FSIP2: variants seen among roughly 807,000 people sequenced by gnomAD.
FSIP2 encodes fibrous sheath interacting protein 2, also known as fibrous sheath-interacting protein 2.
FSIP2 carries 367 observed loss-of-function variants against 510.5 expected under a neutral mutation model. The ratio of observed to expected loss-of-function variants is 0.72; its 90% confidence interval spans 0.66 to 0.78. FSIP2 has a LOEUF of 0.78. Among genes scored for constraint, FSIP2 ranks in the 30% least tolerant of loss-of-function variants. The probability of loss-of-function intolerance (pLI) is 0.00; values close to 1 mark genes in which losing one functional copy is unlikely to be tolerated. For synonymous variants in FSIP2, 2,601 were observed against 2,732.2 expected, an observed-to-expected ratio of 0.95 and a Z score of 1.50; for missense variants, 7,594 against 7,901.7, an observed-to-expected ratio of 0.96 and a Z score of 1.48.
Position 185,797,215 on chromosome 2 carries a change from T to C in FSIP2, c.10079T>C (p.Phe3360Ser), listed in dbSNP as rs1409987621. The C allele has an allele frequency of 1.3e-6, 2 of 1,535,064 alleles. No individual in the cohort carries two copies. The highest frequency in any genetic ancestry group is 1.7e-6 in the Non-Finnish European group (2 of 1,146,282). ...AACAGGGAAATAATGAAACCATTTT[T>C]CATATCAAAACAAAGCTCTTTATCT... ...NENREIMKPFFISKQSSLSEV... is the reference protein window; with the variant it reads ...NENREIMKPFSISKQSSLSEV... Residue 3360 changes from phenylalanine (F) to serine (S), a missense_variant, in exon 16 of 23, where the codon TTC (phenylalanine) becomes TCC (serine). Physicochemically the swap from Phe to Ser is radical, Grantham distance 155. Coordinates refer to ENST00000424728, the MANE Select transcript of FSIP2 (RefSeq NM_173651.4).
intron 19 of FSIP2, among the ~76,000 whole-genome samples, chr2:185,816,728 TGCACC>T (rs1693832324): frequency 6.6e-6 from 1 of 151,708 alleles, no homozygotes; most frequent in Non-Finnish European, 1.5e-5. Flanking sequence ...AATGGTCATG[TGCACC>T]TAGTCCTAGC....
At position 185,800,544 on chromosome 2, in the gene FSIP2, C is replaced by T; in HGVS notation, c.11238C>T (p.Ser3746=). The change falls in exon 17 of 23, where the codon TCC becomes TCT. Residue 3746 remains serine (S), a synonymous_variant. Transcript: ENST00000424728. Reference sequence around the variant, plus strand: ...TACTTACCAATAACCTACAGCTCTCCTCAAAATCAGTTTTTCTTCTCAATG... The same window carrying T: ...TACTTACCAATAACCTACAGCTCTCTTCAAAATCAGTTTTTCTTCTCAATG... ...NSILTNNLQL[S]SKSVFLLNVV... 1 of 1,528,110 alleles carries T rather than the reference C, an allele frequency of 6.5e-7. No homozygotes were observed. The highest frequency in any genetic ancestry group is 8.7e-7 in the Non-Finnish European group (1 of 1,143,864). 94.7% of individuals were successfully genotyped at this position (1,528,110 alleles called of 1,614,324 possible).
chr2:185,805,809 C>T lies in FSIP2; in HGVS notation c.16503C>T (p.Ser5501=), dbSNP rs137864187. The stretch of plus-strand genomic sequence containing the variant: ...GCTCTATAAATGCAATTATGAAAAG[C>T]GGCATGATTAACCTAACATCAGGGT... ...VLSSINAIMK[S]GMINLTSGLA... The change falls in exon 17 of 23, where the codon AGC becomes AGT. Residue 5501 remains serine (S), a synonymous_variant. Transcript: ENST00000424728. The T allele has an allele frequency of 6.1e-3, 9,716 of 1,602,088 alleles. 40 individuals are homozygous for T. Among genetic ancestry groups the T allele is most frequent in the Non-Finnish European group, 6.8e-3 (7,943 of 1,176,086 alleles).
intron 13 of FSIP2, among the ~76,000 whole-genome samples, chr2:185,770,382 A>G (rs182330408): frequency 6.6e-6 from 1 of 152,210 alleles, no homozygotes; most frequent in East Asian, 1.9e-4. Flanking sequence ...TAGGCTATAC[A>G]CGCACGGCAC....
Position 185,806,710 on chromosome 2 carries a change from T to G in FSIP2, c.17404T>G (p.Ser5802Ala), listed in dbSNP as rs755324445. 60 of 1,606,704 alleles carry G rather than the reference T, an allele frequency of 3.7e-5. No homozygotes were observed. In the South Asian group the frequency reaches 5.8e-4, roughly 16 times the overall value. ...GATGGTTAAACAATTGATCTTTTCT[T>G]CTATACCAGAAACACAAATACAAGA... ...TEMVKQLIFSSIPETQIQDRC... is the reference protein window; with the variant it reads ...TEMVKQLIFSAIPETQIQDRC... Residue 5802 changes from serine (S) to alanine (A), a missense_variant, in exon 17 of 23, where the codon TCT becomes GCT. Transcript: ENST00000424728.
At chr2:185,766,384 T>C (rs1368893828) in intron 13 of FSIP2, 6 of 148,180 alleles carry the variant, frequency 4.0e-5, no homozygotes, top group African/African-American at 1.5e-4. Flanking sequence ...ACAGGCAACC[T>C]ACAAAATGGG....
In FSIP2 at chr2:185,797,546, C is replaced by A. The variant is rs942894919; in HGVS notation, c.10390+20C>A. On this transcript the variant is annotated intron_variant, in intron 16 of 22. Transcript: ENST00000424728. ...CTACAGGTAAGCAAGAGAGAACGTA[C>A]CTAAAAATTTGCATGATTTAGGAAG... 6.8e-7 allele frequency: 1 copy of A among 1,474,498 alleles called. No homozygotes were observed. The highest frequency in any genetic ancestry group is 2.7e-5 in the Admixed American group (1 of 36,886). The allele number at this position is 1,474,498 out of a possible 1,614,324, so 91.3% of individuals were successfully genotyped here. A position where few individuals can be genotyped will look rare whatever the true frequency, so the allele number is the denominator to read the frequency against.
rs372811492 is a variant in FSIP2 at position 185,778,950 on chromosome 2, A to G, written c.1412-3755A>G. Among the ~76,000 whole-genome samples, 101 of 152,098 alleles carry G rather than the reference A, an allele frequency of 6.6e-4. No homozygotes were observed. The East Asian group carries it at 0.011, about 16-fold the overall frequency. ...GACCTATCCAAATTTTAGAATCATC[A>G]TATCTTCCAGGTGAATTGAATATTC... On this transcript the variant is annotated intron_variant, in intron 13 of 22. Transcript: ENST00000424728.
rs1483141483 is a variant in FSIP2 at position 185,807,562 on chromosome 2, C to T, written c.18256C>T (p.Gln6086Ter). Residue 6086 changes from glutamine (Q) to a stop codon, truncating the protein, a stop_gained, in exon 17 of 23, where the codon CAG (glutamine) becomes TAG (stop). Transcript: ENST00000424728. LOFTEE classifies it high-confidence loss of function. ...TGATGAAATTATTCAATTAGTGGTT[C>T]AGTCTGTTTATAATAATCTCTTGCC... ...DDDEIIQLVVQSVYNNLLPQF... is the reference protein window; with the variant it reads ...DDDEIIQLVV 1.2e-6 allele frequency: 2 copies of T among 1,611,820 alleles called. No individual in the cohort carries two copies. The highest frequency in any genetic ancestry group is 1.7e-5 in the Admixed American group (1 of 59,748).
intron 15 of FSIP2, 102 bp downstream of exon 15, chr2:185,786,390 T>A (rs751962957): frequency 4.1e-6 from 3 of 737,668 alleles, no homozygotes; most frequent in East Asian, 5.5e-5. Flanking sequence ...GAATCATCCA[T>A]TGATATTTGT....
rs776633235 is a variant in FSIP2, at chr2:185,796,324, A to G, written c.9188A>G (p.Asn3063Ser). The change falls in exon 16 of 23, where the codon AAC becomes AGC. Residue 3063 changes from asparagine to serine, a missense_variant. Transcript: ENST00000424728. ...SESNTINFKE[N>S]IQNILLRVHS... ...TCAAATACTATTAATTTCAAGGAAA[A>G]CATACAGAATATCCTTCTACGGGTT... 2 of 1,533,844 alleles carry G rather than the reference A, an allele frequency of 1.3e-6. No individual in the cohort carries two copies. The highest frequency in any genetic ancestry group is 2.4e-5 in the South Asian group (2 of 83,940).
At position 185,792,247 on chromosome 2, in the gene FSIP2, G is replaced by A; in HGVS notation, c.5111G>A (p.Gly1704Asp). Reference protein sequence around the residue: ...MFNEMESEGGGIETYRYRPTY... With the variant: ...MFNEMESEGGDIETYRYRPTY... ...AATGAAATGGAATCTGAAGGGGGAG[G>A]CATTGAAACTTATCGATACAGGCCA... is the stretch of plus-strand genomic sequence containing the variant. Residue 1704 changes from glycine to aspartate, a missense_variant, in exon 16 of 23, where the codon GGC (glycine) becomes GAC (aspartate). Transcript: ENST00000424728. 1 of 1,533,184 alleles carries A rather than the reference G, an allele frequency of 6.5e-7. No homozygotes were observed. The highest frequency in any genetic ancestry group is 1.2e-5 in the South Asian group (1 of 83,802). The allele number at this position is 1,533,184 out of a possible 1,614,324, so 95.0% of individuals were successfully genotyped here.
Position 185,802,736 on chromosome 2 carries a change from T to TTAG in FSIP2, c.13430_13431insTAG (p.Leu4477delinsPheArg), listed in dbSNP as rs1693469656. The TTAG allele has an allele frequency of 1.3e-6, 2 of 1,513,552 alleles. No individual in the cohort carries two copies. The highest frequency in any genetic ancestry group is 2.1e-5 in the Admixed American group (1 of 46,532). 93.8% of individuals were successfully genotyped at this position (1,513,552 alleles called of 1,614,324 possible). Reference sequence around the variant, plus strand: ...TTAGAAGATATGATCAGAGTACTATTATCTAAATTATTTTCTTCTGCATCT... The same window carrying TTAG: ...TTAGAAGATATGATCAGAGTACTATTTAGATCTAAATTATTTTCTTCTGCATCT... On this transcript the variant is annotated protein_altering_variant, in exon 17 of 23. Coordinates refer to ENST00000424728, the MANE Select transcript of FSIP2 (RefSeq NM_173651.4).
At chr2:185,821,447 T>C (rs192682203) in intron 19 of FSIP2, among the ~76,000 whole-genome samples, 3 of 152,038 alleles carry the variant, frequency 2.0e-5, no homozygotes, top group Admixed American at 6.6e-5. Flanking sequence ...GATGCCAGCA[T>C]TACATTATTA....
chr2:185,781,225 C>T (rs1692842670), intron 13 of FSIP2, among the ~76,000 whole-genome samples: 1 of 152,116 alleles, frequency 6.6e-6, no homozygotes, highest in Non-Finnish European at 1.5e-5. Context: ...CCTATACAAC[C>T]ATTCCGTTTT....
Position 185,762,634 on chromosome 2 carries a change from T to C in FSIP2, c.1241-549T>C, listed in dbSNP as rs185264521. Among the ~76,000 whole-genome samples, 6 of 151,500 alleles carry C rather than the reference T, an allele frequency of 4.0e-5. No homozygotes were observed. The East Asian group carries it at 9.7e-4, about 25-fold the overall frequency. The stretch of plus-strand genomic sequence containing the variant: ...GACTCTTCCTTTTATATTTTGTATC[T>C]AAAAGTTCACATTTTCTGCCTATTC... On this transcript the variant is annotated intron_variant, in intron 11 of 22. Transcript: ENST00000424728.
chr2:185,799,005 T>C (rs1465543599), intron 16 of FSIP2, among the ~76,000 whole-genome samples: 1 of 151,810 alleles, frequency 6.6e-6, no homozygotes, highest in African/African-American at 2.4e-5. Context: ...AATATATAAT[T>C]AAGTTCTGAG....
In FSIP2 at chr2:185,806,626, C is replaced by A. The variant is rs374937631; in HGVS notation, c.17320C>A (p.Gln5774Lys). The A allele has an allele frequency of 1.2e-6, 2 of 1,607,670 alleles. No homozygotes were observed. The highest frequency in any genetic ancestry group is 2.7e-5 in the African/African-American group (2 of 74,266). Residue 5774 changes from glutamine (Q) to lysine (K), a missense_variant, in exon 17 of 23, where the codon CAA becomes AAA. Physicochemically the swap from Gln to Lys is moderately conservative, Grantham distance 53. Transcript: ENST00000424728. ...EPSKPDDPQNQRESKPGIFPA... is the reference protein window; with the variant it reads ...EPSKPDDPQNKRESKPGIFPA... Reference sequence around the variant, plus strand: ...CAGTAAACCAGATGATCCTCAAAACCAACGAGAAAGTAAACCTGGAATTTT... The same window carrying A: ...CAGTAAACCAGATGATCCTCAAAACAAACGAGAAAGTAAACCTGGAATTTT...
chr2:185,788,999 T>C lies in FSIP2; in HGVS notation c.1863T>C (p.Ser621=). The C allele has an allele frequency of 2.0e-6, 3 of 1,534,300 alleles. No homozygotes were observed. Among genetic ancestry groups the C allele is most frequent in the South Asian group, 2.4e-5 (2 of 84,032 alleles). ...VGKTCHIKGQ[S]IISKHKYNKT... Reference sequence around the variant, plus strand: ...AAACATGTCACATAAAAGGACAATCTATAATCTCTAAACATAAATATAATA... The same window carrying C: ...AAACATGTCACATAAAAGGACAATCCATAATCTCTAAACATAAATATAATA... The change falls in exon 16 of 23, where the codon TCT becomes TCC. Residue 621 remains serine, a synonymous_variant. Coordinates refer to ENST00000424728, the MANE Select transcript of FSIP2 (RefSeq NM_173651.4).
Sources: allele counts gnomAD v4.1 joint callset (sites outside exome capture counted in the v4.1 genomes callset), GRCh38; gene constraint gnomAD v4.1.1; transcripts MANE v1.5; gene names NCBI Gene and HGNC (gene_info 2026-07-23, HGNC 2026-07-21).